PSTPIP2: variants seen among roughly 807,000 people sequenced by gnomAD.
PSTPIP2 encodes the protein proline-serine-threonine phosphatase-interacting protein 2.
In PSTPIP2, 33 loss-of-function variants were observed where a neutral mutation model predicts 63.3. The observed-to-expected ratio is 0.52, with a 90% CI of 0.40 to 0.70. The LOEUF (loss-of-function observed/expected upper bound fraction) is 0.70, where lower values mean the gene tolerates loss of function less well. Ranked by LOEUF, PSTPIP2 falls within the 30% of genes least tolerant of loss-of-function variation. The probability of loss-of-function intolerance (pLI) is 0.00; values close to 1 mark genes in which losing one functional copy is unlikely to be tolerated. For synonymous variants in PSTPIP2, 125 were observed against 132.7 expected (o/e 0.94, Z 0.40); for missense variants, 312 against 400.7 (o/e 0.78, Z 1.89).
At chr18:46,063,815 A>G (rs937775161) in intron 1 of PSTPIP2, among the ~76,000 whole-genome samples, 1 of 152,246 alleles carries the variant, frequency 6.6e-6, no homozygotes, top group African/African-American at 2.4e-5. Context: ...AGTTTTGCTT[A>G]TTGAATGAGC....
At position 46,006,360 on chromosome 18, in the gene PSTPIP2, C is replaced by CTTTTTTTTTTTT. The variant is rs756384731; in HGVS notation, c.355-841_355-830dup. 1.7e-5 allele frequency among the ~76,000 whole-genome samples: 2 copies of CTTTTTTTTTTTT among 115,628 alleles called. 1 individual carries two copies. The allele number at this position is 115,628 out of a possible 152,430, so 75.9% of individuals were successfully genotyped here. A position where few individuals can be genotyped will look rare whatever the true frequency, so the allele number is the denominator to read the frequency against. On this transcript the variant is annotated intron_variant, in intron 5 of 14. Coordinates refer to ENST00000409746, the MANE Select transcript of PSTPIP2 (RefSeq NM_024430.4). ...TGAGCCACCATGCCCAGCCCTGGTA[C>CTTTTTTTTTTTT]TTTTTTTTTTTTTTTTTTTTTTTTT...
intron 10 of PSTPIP2, among the ~76,000 whole-genome samples, chr18:45,992,592 T>C (rs1350074989): frequency 6.6e-6 from 1 of 151,084 alleles, no homozygotes; most frequent in Admixed American, 6.6e-5. Context: ...CAAAAAAACA[T>C]GGGTTTGATA....
chr18:46,065,440 C>T lies in PSTPIP2; in HGVS notation c.33+6716G>A, dbSNP rs545795905. Among the ~76,000 whole-genome samples the T allele has an allele frequency of 3.3e-5, 5 of 151,866 alleles. No individual in the cohort carries two copies. In the South Asian group the frequency reaches 1.0e-3, roughly 32 times the overall value. Reference sequence around the variant, plus strand: ...CCAAGTAGCTGAGTACAAGTGCCCACCACCATGCCTGGCTAATTTTTGTTT... The same window carrying T: ...CCAAGTAGCTGAGTACAAGTGCCCATCACCATGCCTGGCTAATTTTTGTTT... On this transcript the variant is annotated intron_variant, in intron 1 of 14. Coordinates refer to ENST00000409746, the MANE Select transcript of PSTPIP2 (RefSeq NM_024430.4).
chr18:45,999,599 C>T, intron 6 of PSTPIP2, 65 bp from the exon 7 acceptor site: 1 of 1,565,890 alleles, frequency 6.4e-7, no homozygotes, highest in Non-Finnish European at 8.8e-7. Flanking sequence ...AATGCAGCCC[C>T]CTTGGCCCAG....
chr18:46,057,521 G>T (rs1298212745), intron 1 of PSTPIP2, among the ~76,000 whole-genome samples: 2 of 151,532 alleles, frequency 1.3e-5, no homozygotes, highest in African/African-American at 4.9e-5. Flanking sequence ...GTAGAGATGG[G>T]ATTTCACCAC....
intron 1 of PSTPIP2, among the ~76,000 whole-genome samples, chr18:46,060,738 G>C (rs890437435): frequency 2.0e-5 from 3 of 152,216 alleles, no homozygotes; most frequent in Non-Finnish European, 4.4e-5. Flanking sequence ...CCCCATGTGA[G>C]GCTCCGCCCA....
At chr18:45,985,700 T>C (rs1186006742) in intron 14 of PSTPIP2, among the ~76,000 whole-genome samples, 1 of 152,186 alleles carries the variant, frequency 6.6e-6, no homozygotes, top group Non-Finnish European at 1.5e-5. Context: ...TACCTAAACA[T>C]GTTAGAATTA....
At chr18:46,066,167 G>A (rs1348266016) in intron 1 of PSTPIP2, among the ~76,000 whole-genome samples, 1 of 151,812 alleles carries the variant, frequency 6.6e-6, no homozygotes, top group Non-Finnish European at 1.5e-5. Flanking sequence ...TGGTGAAACA[G>A]CGTTTCTACA....
chr18:46,047,745 A>G (rs1908436400), intron 1 of PSTPIP2, among the ~76,000 whole-genome samples: 2 of 152,208 alleles, frequency 1.3e-5, no homozygotes, highest in African/African-American at 4.8e-5. Flanking sequence ...GTGTTCTTCA[A>G]TAAAGTTGGG....
chr18:46,026,729 A>G (rs1907592354), intron 2 of PSTPIP2, among the ~76,000 whole-genome samples: 1 of 152,162 alleles, frequency 6.6e-6, no homozygotes, highest in African/African-American at 2.4e-5. Flanking sequence ...AAATAAATAA[A>G]TAAATGAAAT....
At chr18:46,060,744 G>A (rs1008920907) in intron 1 of PSTPIP2, among the ~76,000 whole-genome samples, 11 of 152,180 alleles carry the variant, frequency 7.2e-5, no homozygotes, top group South Asian at 2.1e-4. Flanking sequence ...GTGAGGCTCC[G>A]CCCAGAGGAC....
At chr18:46,014,439 C>T (rs916990174) in intron 4 of PSTPIP2, among the ~76,000 whole-genome samples, 5 of 152,100 alleles carry the variant, frequency 3.3e-5, no homozygotes, top group Admixed American at 1.3e-4. Context: ...AATGGCTGAG[C>T]GCAGCGTCTC....
At chr18:46,053,955 G>A (rs1404117470) in intron 1 of PSTPIP2, among the ~76,000 whole-genome samples, 2 of 152,166 alleles carry the variant, frequency 1.3e-5, no homozygotes, top group Non-Finnish European at 2.9e-5. Flanking sequence ...AGGTGATTCT[G>A]TCATTATTTG....
chr18:46,015,865 G>A, intron 4 of PSTPIP2, 38 bp downstream of exon 4: 3 of 1,584,862 alleles, frequency 1.9e-6, no homozygotes, highest in Non-Finnish European at 2.6e-6. Context: ...GGCTTGTCAA[G>A]GGCAGTGAAT....
At chr18:45,991,496 C>A (rs966977731) in intron 12 of PSTPIP2, among the ~76,000 whole-genome samples, 1 of 152,150 alleles carries the variant, frequency 6.6e-6, no homozygotes, top group Admixed American at 6.6e-5. Flanking sequence ...TCAAATAATT[C>A]TCACATGTCA....
intron 3 of PSTPIP2, among the ~76,000 whole-genome samples, chr18:46,020,127 C>A (rs1266990277): frequency 2.0e-5 from 3 of 152,164 alleles, no homozygotes; most frequent in Non-Finnish European, 4.4e-5. Flanking sequence ...CATTGCCATT[C>A]CTCGTGTTCA....
intron 2 of PSTPIP2, among the ~76,000 whole-genome samples, chr18:46,036,286 T>C (rs1226421568): frequency 6.6e-6 from 1 of 150,672 alleles, no homozygotes; most frequent in Admixed American, 6.9e-5. Context: ...TAATTATTAT[T>C]GTAACAATTA....
At chr18:46,023,042 C>G (rs1476642546) in intron 3 of PSTPIP2, among the ~76,000 whole-genome samples, 1 of 152,098 alleles carries the variant, frequency 6.6e-6, no homozygotes, top group Non-Finnish European at 1.5e-5. Flanking sequence ...CATGTTCTCA[C>G]TTATAAGTGG....
In PSTPIP2 at chr18:45,988,737, A is replaced by C; in HGVS notation, c.978T>G (p.Val326=). Residue 326 remains valine (V), a synonymous_variant, in exon 14 of 15, where the codon GTT becomes GTG. Transcript: ENST00000409746. ...SSPDDPNYSL[V]DDYSLLYQ Reference sequence around the variant, plus strand: ...ACTGATAGAGCAAACTGTAGTCATCAACCAAAGAGTAATTGGGATCATCTG... The same window carrying C: ...ACTGATAGAGCAAACTGTAGTCATCCACCAAAGAGTAATTGGGATCATCTG... 6.4e-7 allele frequency: 1 copy of C among 1,566,398 alleles called. No homozygotes were observed. Among genetic ancestry groups the C allele is most frequent in the Non-Finnish European group, 8.8e-7 (1 of 1,136,986 alleles).
Sources: gnomAD v4.1 joint callset for allele counts (sites outside exome capture counted in the v4.1 genomes callset) on GRCh38, gnomAD v4.1.1 for gene constraint, MANE v1.5 for transcripts, NCBI Gene and HGNC (gene_info 2026-07-23, HGNC 2026-07-21) for gene names.